DUSP1: variants seen among roughly 807,000 people sequenced by gnomAD.
DUSP1 encodes dual specificity phosphatase 1.
Under a neutral mutation model 27.4 loss-of-function variants are expected in DUSP1, and 10 were observed. The ratio of observed to expected loss-of-function variants is 0.37; its 90% CI spans 0.23 to 0.62. The LOEUF (loss-of-function observed/expected upper bound fraction) is 0.62. Among genes scored for constraint, DUSP1 ranks in the 20% least tolerant of loss-of-function variants. The probability of loss-of-function intolerance (pLI) is 0.68; values close to 1 mark genes in which losing one functional copy is unlikely to be tolerated. For missense variants in DUSP1, 425 were observed against 508.1 expected, an observed-to-expected ratio of 0.84 and a Z score of 1.57; for synonymous variants, 262 against 223.6, an observed-to-expected ratio of 1.17 and a Z score of -1.53.
In DUSP1 at chr5:172,771,177, C is replaced by A. The variant is rs1759892719; in HGVS notation, c.-225G>T. Reference sequence around the variant, plus strand: ...GCCCCTCCGACCCGCGTCGCACACACAGCCCAAATGTCCTTCGCAGCGAGC... The same window carrying A: ...GCCCCTCCGACCCGCGTCGCACACAAAGCCCAAATGTCCTTCGCAGCGAGC... On this transcript the variant is annotated 5_prime_UTR_variant, in exon 1 of 4. Coordinates refer to ENST00000239223, the MANE Select transcript of DUSP1 (RefSeq NM_004417.4). 3.8e-6 allele frequency: 2 copies of A among 519,530 alleles called. No homozygotes were observed. Among genetic ancestry groups the A allele is most frequent in the African/African-American group, 2.0e-5 (1 of 50,098 alleles). The allele number at this position is 519,530 out of a possible 1,614,324, so 32.2% of individuals were successfully genotyped here.
At chr5:172,769,296 T>G (rs146651643) in intron 3 of DUSP1, among the ~76,000 whole-genome samples, 164 bp from the exon 4 acceptor site, 1 of 152,332 alleles carries the variant, frequency 6.6e-6, no homozygotes, top group East Asian at 1.9e-4. Context: ...GTGGGCACTG[T>G]GCAAAGGATG....
Position 172,770,965 on chromosome 5 carries a change from C to T in DUSP1, c.-13G>A, listed in dbSNP as rs1759885387. 2 of 1,464,012 alleles carry T rather than the reference C, an allele frequency of 1.4e-6. No individual in the cohort carries two copies. Among genetic ancestry groups the T allele is most frequent in the African/African-American group, 1.5e-5 (1 of 68,652 alleles). The allele number at this position is 1,464,012 out of a possible 1,614,324, so 90.7% of individuals were successfully genotyped here. The stretch of plus-strand genomic sequence containing the variant: ...CTTCCATGACCATGGCCGGCCTCAG[C>T]GCCCCCAGCGTGATCGGCCCTGCGG... On this transcript the variant is annotated 5_prime_UTR_variant, in exon 1 of 4. Coordinates refer to ENST00000239223, the MANE Select transcript of DUSP1 (RefSeq NM_004417.4).
intron 2 of DUSP1, among the ~76,000 whole-genome samples, 164 bp downstream of exon 2, chr5:172,769,997 G>A (rs191265985): frequency 6.6e-6 from 1 of 152,372 alleles, no homozygotes; most frequent in East Asian, 1.9e-4. Flanking sequence ...CCTACAATTG[G>A]AGACTCGGCT....
chr5:172,768,766 C>T lies in DUSP1; in HGVS notation c.1100G>A (p.Cys367Tyr). ...LQSPITTSPS[C>Y] is the part of the protein sequence containing the mutation. ...AGCCTCACCTCCCGTGGCCTTTCAGCAGCTGGGAGAGGTCGTAATGGGGCT... is the reference window on the plus strand; with the variant it reads ...AGCCTCACCTCCCGTGGCCTTTCAGTAGCTGGGAGAGGTCGTAATGGGGCT... The change falls in exon 4 of 4, where the codon TGC becomes TAC. Residue 367 changes from cysteine to tyrosine, a missense_variant. Cys to Tyr is a radical substitution (Grantham distance 194). This residue lies in a region of DUSP1 where 84 missense variants were observed against 80.5 expected (regional missense o/e 1.04). Transcript: ENST00000239223. 6.6e-7 allele frequency: 1 copy of T among 1,509,254 alleles called. No individual in the cohort carries two copies. The highest frequency in any genetic ancestry group is 8.9e-7 in the Non-Finnish European group (1 of 1,128,178). The allele number at this position is 1,509,254 out of a possible 1,614,324, so 93.5% of individuals were successfully genotyped here.
rs1366877368 is a variant in DUSP1, at chr5:172,769,642, G to A, written c.666C>T (p.Ser222=). The change falls in exon 3 of 4, where the codon AGC becomes AGT. Residue 222 remains serine (S), a synonymous_variant. Coordinates refer to ENST00000239223, the MANE Select transcript of DUSP1 (RefSeq NM_004417.4). ...CCTTGTGGTTGTCCTCCACAGGGAT[G>A]CTCTTGTACTGGTAGTGACCCTCAA... ...NHFEGHYQYK[S]IPVEDNHKAD... is the part of the protein sequence containing the mutation. The A allele has an allele frequency of 1.9e-6, 3 of 1,614,270 alleles. No individual in the cohort carries two copies. The highest frequency in any genetic ancestry group is 1.7e-5 in the Admixed American group (1 of 60,036).
chr5:172,769,690 G>T lies in DUSP1; in HGVS notation c.618C>A (p.Val206=), dbSNP rs777288557. Residue 206 remains valine (V), a synonymous_variant, in exon 3 of 4, where the codon GTC becomes GTA. Coordinates refer to ENST00000239223, the MANE Select transcript of DUSP1 (RefSeq NM_004417.4). ...CAAAATGGTTGGGACAATTGGCTGA[G>T]ACGTTGATCAAGGCAGTGATGCCCA... ...DALGITALIN[V]SANCPNHFEG... The T allele has an allele frequency of 1.2e-6, 2 of 1,614,158 alleles. No homozygotes were observed. The highest frequency in any genetic ancestry group is 2.7e-5 in the African/African-American group (2 of 74,954).
At chr5:172,769,206 G>A in intron 3 of DUSP1, 74 bp from the exon 4 acceptor site, 1 of 1,527,774 alleles carries the variant, frequency 6.5e-7, no homozygotes, top group Non-Finnish European at 8.7e-7. Flanking sequence ...CAGTGTATCT[G>A]AGAAAGGTCA....
At chr5:172,769,250 A>T in intron 3 of DUSP1, 118 bp from the exon 4 acceptor site, 2 of 1,414,060 alleles carry the variant, frequency 1.4e-6, no homozygotes, top group South Asian at 2.8e-5. Context: ...CAACATCACC[A>T]CATGCCATCA....
intron 2 of DUSP1, 148 bp downstream of exon 2, chr5:172,770,013 A>G: frequency 7.5e-7 from 1 of 1,328,502 alleles, no homozygotes. Context: ...CGGCTCCGTC[A>G]GACCACTTAA....
rs149004705 is a variant in DUSP1 at position 172,769,163 on chromosome 5, G to T, written c.734-31C>A. 8.9e-6 allele frequency: 14 copies of T among 1,574,084 alleles called. No individual in the cohort carries two copies. In the African/African-American group the frequency reaches 1.9e-4, roughly 21 times the overall value. The stretch of plus-strand genomic sequence containing the variant: ...AAACCAAAGGAGCGGCTGGTTACTT[G>T]AGAGTTCAGGAGAACCACCCCAAGC... On this transcript the variant is annotated intron_variant, in intron 3 of 3. Coordinates refer to ENST00000239223, the MANE Select transcript of DUSP1 (RefSeq NM_004417.4).
In DUSP1 at chr5:172,770,271, G is replaced by A; in HGVS notation, c.403C>T (p.Leu135=). 3 of 1,611,410 alleles carry A rather than the reference G, an allele frequency of 1.9e-6. No individual in the cohort carries two copies. The highest frequency in any genetic ancestry group is 2.5e-6 in the Non-Finnish European group (3 of 1,179,096). ...ATGGGGGTCGACTGTTTGCTGCACA[G>A]CTCCGGGCAGGAAGCCGAAAACGCT... ...YEAFSASCPE[L]CSKQSTPMGL... is the part of the protein sequence containing the mutation. Residue 135 remains leucine (L), a synonymous_variant, in exon 2 of 4, where the codon CTG becomes TTG. Transcript: ENST00000239223.
chr5:172,770,579 G>T lies in DUSP1; in HGVS notation c.367+7C>A. 1 of 1,397,450 alleles carries T rather than the reference G, an allele frequency of 7.2e-7. No individual in the cohort carries two copies. Among genetic ancestry groups the T allele is most frequent in the East Asian group, 2.8e-5 (1 of 35,824 alleles). The allele number at this position is 1,397,450 out of a possible 1,614,324, so 86.6% of individuals were successfully genotyped here. A position where few individuals can be genotyped will look rare whatever the true frequency, so the allele number is the denominator to read the frequency against. On this transcript the variant is annotated splice_region_variant and intron_variant, in intron 1 of 3. Transcript: ENST00000239223. Reference sequence around the variant, plus strand: ...GCGGCCCGCCCCGAGCTTCCCCGAGGGCGTACCTTTGAGGAAGAAGACTTG... The same window carrying T: ...GCGGCCCGCCCCGAGCTTCCCCGAGTGCGTACCTTTGAGGAAGAAGACTTG...
intron 2 of DUSP1, among the ~76,000 whole-genome samples, 171 bp from the exon 3 acceptor site, chr5:172,769,965 C>T (rs987057069): frequency 6.6e-6 from 1 of 152,258 alleles, no homozygotes; most frequent in African/African-American, 2.4e-5. Flanking sequence ...TGGGCAGGAC[C>T]AGCAAGTTCA....
intron 1 of DUSP1, 39 bp downstream of exon 1, chr5:172,770,547 G>A (rs961127280): frequency 2.1e-6 from 3 of 1,427,458 alleles, no homozygotes; most frequent in Non-Finnish European, 1.8e-6. Context: ...CAAAACCTCA[G>A]GGGTGTGCGG....
In DUSP1 at chr5:172,770,346, C is replaced by A. The variant is rs775933777; in HGVS notation, c.368-40G>T. The A allele has an allele frequency of 7.5e-6, 12 of 1,609,318 alleles. No individual in the cohort carries two copies. In the Middle Eastern group the frequency reaches 5.2e-4, roughly 69 times the overall value. Reference sequence around the variant, plus strand: ...ACATTTTTTTTCCCCATTAGTGACACCGGGACACGGCACCTTCATACAACT... The same window carrying A: ...ACATTTTTTTTCCCCATTAGTGACAACGGGACACGGCACCTTCATACAACT... On this transcript the variant is annotated intron_variant, in intron 1 of 3. Coordinates refer to ENST00000239223, the MANE Select transcript of DUSP1 (RefSeq NM_004417.4).
chr5:172,770,318 A>C lies in DUSP1; in HGVS notation c.368-12T>G. Reference sequence around the variant, plus strand: ...CGCTTCGTATCCTCCTGGGAATACAAAGACATTTTTTTTCCCCATTAGTGA... The same window carrying C: ...CGCTTCGTATCCTCCTGGGAATACACAGACATTTTTTTTCCCCATTAGTGA... On this transcript the variant is annotated splice_polypyrimidine_tract_variant and intron_variant, in intron 1 of 3. Transcript: ENST00000239223. 1 of 1,610,440 alleles carries C rather than the reference A, an allele frequency of 6.2e-7. No homozygotes were observed. Among genetic ancestry groups the C allele is most frequent in the Non-Finnish European group, 8.5e-7 (1 of 1,178,592 alleles).
In DUSP1 at chr5:172,768,530, T is replaced by C; in HGVS notation, c.*232A>G. 1 of 434,892 alleles carries C rather than the reference T, an allele frequency of 2.3e-6. No individual in the cohort carries two copies. Among genetic ancestry groups the C allele is most frequent in the Non-Finnish European group, 3.8e-6 (1 of 262,972 alleles). 26.9% of individuals were successfully genotyped at this position (434,892 alleles called of 1,614,324 possible). ...TGAGTCCTTTCTCTTCTGCCCCATT[T>C]TGTCAGATGGACTTGATGTACCCAC... On this transcript the variant is annotated 3_prime_UTR_variant, in exon 4 of 4. Coordinates refer to ENST00000239223, the MANE Select transcript of DUSP1 (RefSeq NM_004417.4).
intron 3 of DUSP1, 93 bp from the exon 4 acceptor site, chr5:172,769,225 T>G: frequency 6.6e-7 from 1 of 1,506,732 alleles, no homozygotes; most frequent in Non-Finnish European, 8.8e-7. Context: ...CATGTGTGTC[T>G]TGTCTAGAAA....
rs1160005019 is a variant in DUSP1 at position 172,771,012 on chromosome 5, G to A, written c.-60C>T. 3.0e-6 allele frequency: 4 copies of A among 1,323,614 alleles called. No individual in the cohort carries two copies. The highest frequency in any genetic ancestry group is 3.9e-6 in the Non-Finnish European group (4 of 1,034,412). The allele number at this position is 1,323,614 out of a possible 1,614,324, so 82.0% of individuals were successfully genotyped here. Reference sequence around the variant, plus strand: ...GCGGTGCTCTTTGTCTGTTCTCGGGGCCAAGGGCAGGGCGGCGCTTTTCGA... The same window carrying A: ...GCGGTGCTCTTTGTCTGTTCTCGGGACCAAGGGCAGGGCGGCGCTTTTCGA... On this transcript the variant is annotated 5_prime_UTR_variant, in exon 1 of 4. Transcript: ENST00000239223.
Sources: allele counts gnomAD v4.1 joint callset (sites outside exome capture counted in the v4.1 genomes callset), GRCh38; gene constraint gnomAD v4.1.1; regional missense constraint gnomAD v4.1.1; transcripts MANE v1.5; gene names NCBI Gene and HGNC (gene_info 2026-07-23, HGNC 2026-07-21).